Variants in NLGN4Y observed in about 807,000 individuals in gnomAD.
NLGN4Y encodes the protein neuroligin-4, Y-linked.
Under a neutral mutation model 8.4 loss-of-function variants are expected in NLGN4Y, and 4 were observed. That is an observed-to-expected ratio of 0.48 (90% CI 0.23 to 1.09). NLGN4Y has a LOEUF of 1.09. NLGN4Y is among the 50% of genes least tolerant of loss of function. NLGN4Y has a pLI of 0.19. For missense variants in NLGN4Y, 90 were observed against 192.3 expected, an observed-to-expected ratio of 0.47 and a Z score of 3.15; for synonymous variants, 35 against 75.6, an observed-to-expected ratio of 0.46 and a Z score of 2.78.
At chrY:14,733,038 G>A (rs1031303649) in intron 4 of NLGN4Y, among the ~76,000 whole-genome samples, 5 of 33,057 alleles carry the variant, frequency 1.5e-4, no homozygotes, top group Admixed American at 2.8e-4. Context: ...AGCAGCTTCC[G>A]GTTTCTAAAA....
At chrY:14,573,382 G>A (rs866925859) in intron 1 of NLGN4Y, among the ~76,000 whole-genome samples, 4 of 33,392 alleles carry the variant, frequency 1.2e-4, no homozygotes, top group East Asian at 1.5e-3. Flanking sequence ...ATTTATTTGC[G>A]TAGAGTTGTT....
intron 4 of NLGN4Y, among the ~76,000 whole-genome samples, chrY:14,794,529 T>C: frequency 3.0e-5 from 1 of 33,636 alleles, no homozygotes; most frequent in African/African-American, 1.2e-4. Context: ...TGTTCACTGA[T>C]ATGAGAAACC....
chrY:14,634,500 T>C, intron 2 of NLGN4Y, among the ~76,000 whole-genome samples: 1 of 33,167 alleles, frequency 3.0e-5, no homozygotes. Context: ...GGTGGGAGGA[T>C]CACTTGAGGC....
intron 4 of NLGN4Y, among the ~76,000 whole-genome samples, chrY:14,817,289 A>G (rs2043105804): frequency 6.0e-5 from 2 of 33,497 alleles, no homozygotes; most frequent in Non-Finnish European, 1.5e-4. Flanking sequence ...CCACTAGATG[A>G]GTATTTGCCC....
chrY:14,746,530 T>C, intron 4 of NLGN4Y, among the ~76,000 whole-genome samples: 1 of 33,497 alleles, frequency 3.0e-5, no homozygotes, highest in African/African-American at 1.2e-4. Context: ...GGTCTTGCAT[T>C]GTTGGACACA....
At chrY:14,737,000 C>G in intron 4 of NLGN4Y, among the ~76,000 whole-genome samples, 1 of 33,253 alleles carries the variant, frequency 3.0e-5, no homozygotes, top group Non-Finnish European at 7.4e-5. Context: ...TTTGGGAAAT[C>G]ATCTTCCAGA....
intron 4 of NLGN4Y, among the ~76,000 whole-genome samples, chrY:14,799,411 C>G: frequency 3.0e-5 from 1 of 33,722 alleles, no homozygotes; most frequent in Admixed American, 2.7e-4. Context: ...TGTTATTGCT[C>G]TTTCAGTAGA....
intron 4 of NLGN4Y, among the ~76,000 whole-genome samples, chrY:14,727,224 G>T: frequency 3.0e-5 from 1 of 33,722 alleles, no homozygotes; most frequent in Non-Finnish European, 7.4e-5. Context: ...AAGGTTCTAT[G>T]TTAGTGTCTT....
intron 4 of NLGN4Y, among the ~76,000 whole-genome samples, chrY:14,795,708 G>T (rs897263717): frequency 9.0e-5 from 3 of 33,157 alleles, no homozygotes; most frequent in African/African-American, 2.4e-4. Context: ...GCTTTATTAC[G>T]TATTGATTTC....
intron 4 of NLGN4Y, among the ~76,000 whole-genome samples, chrY:14,815,194 G>A: frequency 3.0e-5 from 1 of 33,103 alleles, no homozygotes; most frequent in African/African-American, 1.2e-4. Context: ...ACTTGCCAAG[G>A]TACCTCCAGA....
chrY:14,762,642 C>T (rs981007576), intron 4 of NLGN4Y, among the ~76,000 whole-genome samples: 5 of 34,056 alleles, frequency 1.5e-4, no homozygotes, highest in Admixed American at 1.1e-3. Flanking sequence ...ATAATGGAGG[C>T]TTAACTGTAG....
chrY:14,627,100 G>A lies in NLGN4Y; in HGVS notation c.472+4509G>A, dbSNP rs763046624. The stretch of plus-strand genomic sequence containing the variant: ...CTCGGGAGGCTGAGGCAGGAGAATG[G>A]TGTTAACCTAGGAGGCTGAGTTTGC... On this transcript the variant is annotated intron_variant, in intron 2 of 6. Transcript: ENST00000684976. Among the ~76,000 whole-genome samples, 3 of 30,948 alleles carry A rather than the reference G, an allele frequency of 9.7e-5. No homozygotes were observed. In the East Asian group the frequency reaches 2.6e-3, roughly 27 times the overall value. 83.0% of individuals were successfully genotyped at this position (30,948 alleles called of 37,273 possible).
chrY:14,574,209 C>T lies in NLGN4Y; in HGVS notation c.-111-47800C>T, dbSNP rs768625318. On this transcript the variant is annotated intron_variant, in intron 1 of 6. Coordinates refer to ENST00000684976, the MANE Select transcript of NLGN4Y (RefSeq NM_001365588.1). Reference sequence around the variant, plus strand: ...TTGACAGTGGGGTGTTAAACTCTCTCATTATTATTGTGTGGGAGTGTAAGT... The same window carrying T: ...TTGACAGTGGGGTGTTAAACTCTCTTATTATTATTGTGTGGGAGTGTAAGT... 3.3e-4 allele frequency among the ~76,000 whole-genome samples: 11 copies of T among 32,887 alleles called. No homozygotes were observed. In the South Asian group the frequency reaches 7.5e-3, roughly 23 times the overall value. The allele number at this position is 32,887 out of a possible 37,273, so 88.2% of individuals were successfully genotyped here.
At chrY:14,696,459 C>A (rs978336922) in intron 2 of NLGN4Y, among the ~76,000 whole-genome samples, 1 of 32,659 alleles carries the variant, frequency 3.1e-5, no homozygotes, top group Non-Finnish European at 7.5e-5. Flanking sequence ...GCCTCTCCTA[C>A]TTTATGGGGG....
At chrY:14,647,941 C>A in intron 2 of NLGN4Y, among the ~76,000 whole-genome samples, 2 of 34,388 alleles carry the variant, frequency 5.8e-5, no homozygotes, top group Non-Finnish European at 1.5e-4. Context: ...ACACTGATTT[C>A]TTGCATCCTG....
chrY:14,628,462 C>T lies in NLGN4Y; in HGVS notation c.472+5871C>T, dbSNP rs778862465. Among the ~76,000 whole-genome samples the T allele has an allele frequency of 3.9e-4, 13 of 33,640 alleles. No homozygotes were observed. In the South Asian group the frequency reaches 8.0e-3, roughly 21 times the overall value. The allele number at this position is 33,640 out of a possible 37,273, so 90.3% of individuals were successfully genotyped here. A position where few individuals can be genotyped will look rare whatever the true frequency, so the allele number is the denominator to read the frequency against. On this transcript the variant is annotated intron_variant, in intron 2 of 6. Coordinates refer to ENST00000684976, the MANE Select transcript of NLGN4Y (RefSeq NM_001365588.1). ...TGTAGAAATTTGGACAGTTAGTAAA[C>T]GTAGAGGTAGATGATAAGCCACAGC...
chrY:14,655,273 C>CT (rs750818562), intron 2 of NLGN4Y, among the ~76,000 whole-genome samples: 31 of 23,698 alleles, frequency 1.3e-3, no homozygotes, highest in East Asian at 2.2e-3. Flanking sequence ...CATTTTAAGC[C>CT]TTTTTTTTTT....
At chrY:14,766,881 TA>T (rs2081094784) in intron 4 of NLGN4Y, among the ~76,000 whole-genome samples, 1 of 33,425 alleles carries the variant, frequency 3.0e-5, no homozygotes, top group Non-Finnish European at 7.4e-5. Context: ...AATATTGCTT[TA>T]AAATATATTT....
intron 1 of NLGN4Y, among the ~76,000 whole-genome samples, chrY:14,598,894 T>C: frequency 4.0e-5 from 1 of 25,262 alleles, no homozygotes; most frequent in Non-Finnish European, 8.9e-5. Context: ...TATATATATA[T>C]ATATATATAT....
Sources: allele counts gnomAD v4.1 joint callset (sites outside exome capture counted in the v4.1 genomes callset), GRCh38; gene constraint gnomAD v4.1.1; transcripts MANE v1.5; gene names NCBI Gene and HGNC (gene_info 2026-07-23, HGNC 2026-07-21).